Variants in SLC8A1 observed in about 807,000 individuals in gnomAD.
The protein encoded by SLC8A1 is solute carrier family 8 member A1.
In SLC8A1, 18 loss-of-function variants were observed where a neutral mutation model predicts 68.3. The ratio of observed to expected loss-of-function variants is 0.26; its 90% confidence interval spans 0.18 to 0.39. SLC8A1 has a LOEUF of 0.39. Ranked by LOEUF, SLC8A1 falls within the 10% of genes least tolerant of loss-of-function variation. SLC8A1 has a pLI of 1.00. For missense variants in SLC8A1, 985 were observed against 1,156.7 expected, an observed-to-expected ratio of 0.85 and a Z score of 2.15; for synonymous variants, 475 against 415.5, an observed-to-expected ratio of 1.14 and a Z score of -1.74.
intron 2 of SLC8A1, chr2:40,209,174 T>C (rs1351667186): frequency 1.3e-5 from 2 of 151,824 alleles, no homozygotes; most frequent in Non-Finnish European, 2.9e-5. Flanking sequence ...TGAGGAGTAA[T>C]GAGGTGAGAG....
chr2:40,241,052 C>A (rs578257240), intron 2 of SLC8A1, among the ~76,000 whole-genome samples: 1 of 152,098 alleles, frequency 6.6e-6, no homozygotes. Context: ...TGGACTTGCA[C>A]GTTCATCACT....
intron 2 of SLC8A1, chr2:40,250,210 G>A (rs1194557120): frequency 6.6e-6 from 1 of 152,234 alleles, no homozygotes; most frequent in South Asian, 2.1e-4. Context: ...ATTCAATACA[G>A]GGTAAAGAGA....
intron 2 of SLC8A1, among the ~76,000 whole-genome samples, chr2:40,181,355 T>A (rs1405220989): frequency 6.6e-6 from 1 of 152,236 alleles, no homozygotes; most frequent in African/African-American, 2.4e-5. Context: ...TTATGATTTA[T>A]CACTAGCATA....
chr2:40,187,859 T>C (rs1164281119), intron 2 of SLC8A1, among the ~76,000 whole-genome samples: 1 of 152,192 alleles, frequency 6.6e-6, no homozygotes, highest in African/African-American at 2.4e-5. Context: ...GTAAGTTTGC[T>C]AAGACAAAAT....
At chr2:40,154,759 G>T (rs1370835666) in intron 6 of SLC8A1, among the ~76,000 whole-genome samples, 7 of 151,960 alleles carry the variant, frequency 4.6e-5, no homozygotes. Context: ...TGAACTCCTG[G>T]GCTCAGGTGA....
intron 6 of SLC8A1, among the ~76,000 whole-genome samples, chr2:40,144,817 T>A (rs1294193029): frequency 6.6e-6 from 1 of 152,212 alleles, no homozygotes; most frequent in Non-Finnish European, 1.5e-5. Context: ...TTTTATCATA[T>A]GCATTTGAGA....
At chr2:40,160,007 C>A (rs1197209264) in intron 6 of SLC8A1, among the ~76,000 whole-genome samples, 1 of 152,050 alleles carries the variant, frequency 6.6e-6, no homozygotes, top group East Asian at 1.9e-4. Flanking sequence ...CTGGAGGGAT[C>A]TTTAAAGAGA....
intron 2 of SLC8A1, among the ~76,000 whole-genome samples, chr2:40,291,214 T>A (rs1457212740): frequency 6.6e-6 from 1 of 152,142 alleles, no homozygotes; most frequent in African/African-American, 2.4e-5. Flanking sequence ...AGGAGTATTT[T>A]CTCAAACAAA....
chr2:40,287,622 A>G (rs141479013), intron 2 of SLC8A1, among the ~76,000 whole-genome samples: 1,519 of 72,012 alleles, frequency 0.021, 27 homozygotes, highest in African/African-American at 0.079. Flanking sequence ...GTGTGTGTGC[A>G]TGCAGGGACA....
upstream of SLC8A1, among the ~76,000 whole-genome samples, chr2:40,456,143 C>T (rs1300646753): frequency 2.6e-4 from 40 of 151,642 alleles, no homozygotes; most frequent in Admixed American, 2.2e-3. Context: ...GGTGAAATCC[C>T]GTCTCTACTA....
chr2:40,345,307 T>C (rs1442296414), intron 2 of SLC8A1, among the ~76,000 whole-genome samples: 1 of 152,186 alleles, frequency 6.6e-6, no homozygotes, highest in Non-Finnish European at 1.5e-5. Context: ...GTAATAAACA[T>C]GCTAGGAAAA....
At chr2:40,189,957 A>AT (rs1388900782) in intron 2 of SLC8A1, 1 of 152,074 alleles carries the variant, frequency 6.6e-6, no homozygotes, top group Non-Finnish European at 1.5e-5. Context: ...CATATGGAAA[A>AT]TGTTCACATA....
chr2:40,502,951 A>G (rs1706138718), intron 1 of SLC8A1, among the ~76,000 whole-genome samples: 1 of 151,940 alleles, frequency 6.6e-6, no homozygotes. Context: ...GCAAAACCCT[A>G]ATAGAGATTA....
At chr2:40,258,258 T>A (rs1284198590) in intron 2 of SLC8A1, among the ~76,000 whole-genome samples, 3 of 152,170 alleles carry the variant, frequency 2.0e-5, no homozygotes, top group Admixed American at 2.0e-4. Flanking sequence ...GTTCCTTCAT[T>A]AAGTGAGCAT....
intron 2 of SLC8A1, among the ~76,000 whole-genome samples, chr2:40,396,744 TAACTAA>T (rs1687018404): frequency 3.6e-5 from 1 of 28,136 alleles, no homozygotes; most frequent in Non-Finnish European, 5.6e-5. Context: ...TCATCTCTAA[TAACTAA>T]AAAAAAAAAA....
In SLC8A1 at chr2:40,108,367, T is replaced by A. The variant is rs185339659; in HGVS notation, c.*6886A>T. The A allele has an allele frequency of 3.3e-3, 496 of 152,310 alleles. 7 individuals are homozygous for A. The highest frequency in any genetic ancestry group is 0.011 in the African/African-American group (472 of 41,574). 9.4% of individuals were successfully genotyped at this position (152,310 alleles called of 1,614,324 possible). A position where few individuals can be genotyped will look rare whatever the true frequency, so the allele number is the denominator to read the frequency against. On this transcript the variant is annotated 3_prime_UTR_variant, in exon 8 of 8. Transcript: ENST00000406785. ...TCATATAAAACCTGCGAATATAAAT[T>A]GTACTGTTGTTTCTGGAAACTGGGA...
intron 1 of SLC8A1, among the ~76,000 whole-genome samples, chr2:40,507,546 T>C (rs958640548): frequency 6.6e-6 from 1 of 152,036 alleles, no homozygotes; most frequent in African/African-American, 2.4e-5. Flanking sequence ...ACTGAATATC[T>C]TTCACACATT....
At chr2:40,430,075 G>C in exon 2 of SLC8A1, 1 of 1,613,866 alleles carries the variant, frequency 6.2e-7, no homozygotes, top group Non-Finnish European at 8.5e-7. Flanking sequence ...CCCAAAAGAA[G>C]GGTCTTGGGG....
intron 1 of SLC8A1, among the ~76,000 whole-genome samples, chr2:40,486,111 T>G (rs1014772630): frequency 2.6e-5 from 4 of 152,272 alleles, no homozygotes; most frequent in African/African-American, 9.6e-5. Context: ...ACTGATGGTT[T>G]TATAAGGGGC....
Sources: gnomAD v4.1 joint callset for allele counts (sites outside exome capture counted in the v4.1 genomes callset) on GRCh38, gnomAD v4.1.1 for gene constraint, MANE v1.5 for transcripts, NCBI Gene and HGNC (gene_info 2026-07-23, HGNC 2026-07-21) for gene names.